Variants in KCNH5 observed in about 807,000 individuals in gnomAD.
KCNH5 encodes the protein voltage-gated delayed rectifier potassium channel KCNH5.
In KCNH5, 46 loss-of-function variants were observed where a neutral mutation model predicts 96.1. The observed-to-expected ratio is 0.48, with a 90% CI of 0.38 to 0.61. The LOEUF is 0.61. Among genes scored for constraint, KCNH5 ranks in the 20% least tolerant of loss-of-function variants. The probability of loss-of-function intolerance (pLI) is 0.00; values close to 1 mark genes in which losing one functional copy is unlikely to be tolerated. For synonymous variants in KCNH5, 439 were observed against 449.8 expected (o/e 0.98, Z 0.30); for missense variants, 907 against 1,225.8 (o/e 0.74, Z 3.88).
intron 10 of KCNH5, among the ~76,000 whole-genome samples, chr14:62,721,160 T>C (rs1315465535): frequency 6.6e-6 from 1 of 152,004 alleles, no homozygotes; most frequent in African/African-American, 2.4e-5. Context: ...AGGTCCTTCT[T>C]TGTCCGTATT....
chr14:62,951,912 G>A (rs954845930), intron 6 of KCNH5, among the ~76,000 whole-genome samples: 4 of 135,802 alleles, frequency 2.9e-5, no homozygotes, highest in Non-Finnish European at 4.5e-5. Flanking sequence ...GCAGTGAGCC[G>A]AGATCATGCC....
chr14:62,869,238 A>T (rs954663994), intron 7 of KCNH5, among the ~76,000 whole-genome samples: 2 of 152,174 alleles, frequency 1.3e-5, no homozygotes, highest in African/African-American at 4.8e-5. Flanking sequence ...TCTAACTGGC[A>T]TGAGATGGTA....
At chr14:62,999,813 T>C (rs1594667800) in intron 4 of KCNH5, among the ~76,000 whole-genome samples, 1 of 149,206 alleles carries the variant, frequency 6.7e-6, no homozygotes, top group Non-Finnish European at 1.5e-5. Context: ...TGTATACATA[T>C]GTAACTAACC....
chr14:62,734,757 A>T (rs575093761), intron 10 of KCNH5, among the ~76,000 whole-genome samples: 1 of 152,172 alleles, frequency 6.6e-6, no homozygotes, highest in Non-Finnish European at 1.5e-5. Flanking sequence ...AAGGCAGGGA[A>T]CGTGACTTGG....
chr14:63,007,342 C>T (rs1048455815), intron 2 of KCNH5, among the ~76,000 whole-genome samples: 4 of 152,108 alleles, frequency 2.6e-5, no homozygotes, highest in Non-Finnish European at 4.4e-5. Flanking sequence ...AGGAGGATGA[C>T]AATTTTCGAG....
intron 7 of KCNH5, among the ~76,000 whole-genome samples, chr14:62,903,877 ATAT>A (rs964819605): frequency 6.6e-6 from 1 of 151,966 alleles, no homozygotes; most frequent in Non-Finnish European, 1.5e-5. Flanking sequence ...AGTAGATCTA[ATAT>A]TATAATTTTA....
chr14:62,985,839 G>C (rs1247543672), intron 5 of KCNH5, among the ~76,000 whole-genome samples: 1 of 152,014 alleles, frequency 6.6e-6, no homozygotes, highest in African/African-American at 2.4e-5. Flanking sequence ...GCTTCCTATG[G>C]GGCTCTTCAA....
intron 1 of KCNH5, among the ~76,000 whole-genome samples, chr14:63,017,604 A>G (rs1891349764): frequency 6.6e-6 from 1 of 151,812 alleles, no homozygotes; most frequent in African/African-American, 2.4e-5. Flanking sequence ...TTGCTTTTGT[A>G]TAAATTAATA....
intron 10 of KCNH5, among the ~76,000 whole-genome samples, chr14:62,741,989 A>G (rs571093183): frequency 6.6e-6 from 1 of 152,272 alleles, no homozygotes; most frequent in East Asian, 1.9e-4. Flanking sequence ...CAGGGTTACA[A>G]TCTTGATGAT....
intron 9 of KCNH5, 108 bp from the exon 10 acceptor site, chr14:62,780,032 GC>G: frequency 2.4e-6 from 2 of 832,452 alleles, no homozygotes; most frequent in Non-Finnish European, 3.5e-6. Context: ...ATAATTTAGA[GC>G]TGAGGGTATA....
At chr14:63,007,085 T>G (rs1158346133) in intron 2 of KCNH5, among the ~76,000 whole-genome samples, 1 of 152,166 alleles carries the variant, frequency 6.6e-6, no homozygotes, top group Non-Finnish European at 1.5e-5. Flanking sequence ...TAGGTGACCA[T>G]GGAAATGTCA....
intron 10 of KCNH5, among the ~76,000 whole-genome samples, chr14:62,766,205 G>C (rs551620864): frequency 1.3e-5 from 2 of 152,236 alleles, no homozygotes; most frequent in African/African-American, 4.8e-5. Flanking sequence ...GGAAAAACGG[G>C]ACATCTTGTG....
At chr14:62,715,688 C>A (rs1399482692) in intron 10 of KCNH5, among the ~76,000 whole-genome samples, 1 of 151,928 alleles carries the variant, frequency 6.6e-6, no homozygotes, top group African/African-American at 2.4e-5. Flanking sequence ...GTAAGCTCTC[C>A]GAGGGCACAA....
intron 10 of KCNH5, among the ~76,000 whole-genome samples, chr14:62,743,639 T>A (rs1009964788): frequency 2.0e-5 from 3 of 152,118 alleles, no homozygotes; most frequent in Non-Finnish European, 4.4e-5. Flanking sequence ...GAAATCTGCA[T>A]CAAAACATAA....
intron 1 of KCNH5, among the ~76,000 whole-genome samples, chr14:63,019,784 T>C (rs1891391519): frequency 6.6e-6 from 1 of 152,054 alleles, no homozygotes; most frequent in Non-Finnish European, 1.5e-5. Context: ...AAATTTCTTA[T>C]ATAAGCCTCA....
At chr14:62,879,168 T>C (rs1188120789) in intron 7 of KCNH5, among the ~76,000 whole-genome samples, 1 of 152,144 alleles carries the variant, frequency 6.6e-6, no homozygotes, top group African/African-American at 2.4e-5. Flanking sequence ...TAGATACTAC[T>C]ACATGCCAAT....
chr14:63,002,349 G>A, intron 3 of KCNH5, among the ~76,000 whole-genome samples: 1 of 152,172 alleles, frequency 6.6e-6, no homozygotes, highest in Non-Finnish European at 1.5e-5. Flanking sequence ...GCCTTCAAAG[G>A]TGTAATTATC....
chr14:62,922,752 T>G (rs1404595818), intron 7 of KCNH5, among the ~76,000 whole-genome samples: 2 of 151,952 alleles, frequency 1.3e-5, no homozygotes, highest in African/African-American at 4.8e-5. Flanking sequence ...ACATATTTAT[T>G]GATAAAAACT....
chr14:62,975,335 G>A (rs1594654392), intron 6 of KCNH5, among the ~76,000 whole-genome samples: 7 of 152,172 alleles, frequency 4.6e-5, no homozygotes, highest in Admixed American at 1.3e-4. Context: ...TTCCAGAAAG[G>A]TGAATGTTAT....
Sources: gnomAD v4.1 joint callset for allele counts (sites outside exome capture counted in the v4.1 genomes callset) on GRCh38, gnomAD v4.1.1 for gene constraint, MANE v1.5 for transcripts, NCBI Gene and HGNC (gene_info 2026-07-23, HGNC 2026-07-21) for gene names.